The following NUCB2 variants were observed in gnomAD, a reference collection of about 807,000 sequenced individuals.
NUCB2 encodes the protein nucleobindin-2.
Under a neutral mutation model 57.9 loss-of-function variants are expected in NUCB2, and 48 were observed. The ratio of observed to expected loss-of-function variants is 0.83; its 90% confidence interval spans 0.66 to 1.05. The LOEUF (loss-of-function observed/expected upper bound fraction) is 1.05. Ranked by LOEUF, NUCB2 falls within the 50% of genes least tolerant of loss-of-function variation. The pLI, the probability that NUCB2 is intolerant of heterozygous loss-of-function variation, is 0.00. For synonymous variants in NUCB2, 139 were observed against 152.1 expected (o/e 0.91, Z 0.64); for missense variants, 442 against 476.2 (o/e 0.93, Z 0.67).
intron 6 of NUCB2, 107 bp from the exon 7 acceptor site, chr11:17,310,718 C>T (rs1948359050): frequency 2.7e-6 from 2 of 753,734 alleles, no homozygotes; most frequent in Non-Finnish European, 4.2e-6. Context: ...ATGTTTTTGC[C>T]CTCCCGTACC....
chr11:17,296,525 G>A (rs1235119000), intron 4 of NUCB2, among the ~76,000 whole-genome samples: 1 of 152,206 alleles, frequency 6.6e-6, no homozygotes, highest in Non-Finnish European at 1.5e-5. Context: ...TATATGATGA[G>A]TATTTAATCT....
At chr11:17,341,482 T>C (rs1356789798) in intron 2 of NUCB2, among the ~76,000 whole-genome samples, 12 of 152,092 alleles carry the variant, frequency 7.9e-5, no homozygotes, top group Admixed American at 7.9e-4. Context: ...TATTTTGAAA[T>C]ATGTCCCATC....
At chr11:17,305,450 A>G (rs1037133879) in intron 5 of NUCB2, among the ~76,000 whole-genome samples, 4 of 152,206 alleles carry the variant, frequency 2.6e-5, no homozygotes, top group Non-Finnish European at 4.4e-5. Flanking sequence ...TGAATATTAA[A>G]TTATGTCACT....
chr11:17,338,988 A>AT (rs1178162080), intron 2 of NUCB2, among the ~76,000 whole-genome samples: 4 of 147,332 alleles, frequency 2.7e-5, no homozygotes, highest in South Asian at 2.1e-4. Flanking sequence ...ATTTTATTTT[A>AT]TTTATTTATT....
At chr11:17,326,864 T>C (rs1398478630) in intron 11 of NUCB2, among the ~76,000 whole-genome samples, 3 of 152,206 alleles carry the variant, frequency 2.0e-5, no homozygotes, top group Admixed American at 2.0e-4. Flanking sequence ...ATTGAAGAAC[T>C]ACCTTTCACA....
At chr11:17,278,310 G>C (rs1941800163) in intron 1 of NUCB2, 1 of 151,308 alleles carries the variant, frequency 6.6e-6, no homozygotes. Flanking sequence ...CGAGTAGCTG[G>C]GATTACAGGG....
At chr11:17,344,063 G>C (rs2139652612) in intron 2 of NUCB2, among the ~76,000 whole-genome samples, 1 of 152,232 alleles carries the variant, frequency 6.6e-6, no homozygotes, top group South Asian at 2.1e-4. Flanking sequence ...GAGAGTTCTT[G>C]TATCTCTGCA....
chr11:17,310,036 A>G (rs1215950961), intron 6 of NUCB2, among the ~76,000 whole-genome samples: 1 of 152,220 alleles, frequency 6.6e-6, no homozygotes, highest in Non-Finnish European at 1.5e-5. Context: ...AATATGGCAT[A>G]TGTACCATAT....
intron 2 of NUCB2, among the ~76,000 whole-genome samples, chr11:17,287,971 A>T (rs562834113): frequency 6.6e-6 from 1 of 152,280 alleles, no homozygotes; most frequent in East Asian, 1.9e-4. Context: ...GCACTCCAGC[A>T]CGGGCAGTAG....
intron 11 of NUCB2, among the ~76,000 whole-genome samples, chr11:17,327,682 T>C (rs1014382132): frequency 2.6e-5 from 4 of 152,168 alleles, no homozygotes; most frequent in African/African-American, 9.7e-5. Context: ...AATTCTTTCT[T>C]ATACTTGATC....
chr11:17,292,621 A>G (rs986688894), intron 2 of NUCB2, among the ~76,000 whole-genome samples: 8 of 152,052 alleles, frequency 5.3e-5, no homozygotes, highest in Admixed American at 2.0e-4. Context: ...TTTGAGAACC[A>G]CTCCTGAAAA....
At chr11:17,341,092 C>G (rs896529421) in intron 2 of NUCB2, among the ~76,000 whole-genome samples, 7 of 152,198 alleles carry the variant, frequency 4.6e-5, no homozygotes, top group East Asian at 1.9e-4. Flanking sequence ...TTGTGAATGG[C>G]AGTTCACTCA....
chr11:17,280,513 AC>A (rs1481825280), intron 1 of NUCB2, among the ~76,000 whole-genome samples: 1 of 152,128 alleles, frequency 6.6e-6, no homozygotes, highest in African/African-American at 2.4e-5. Context: ...ATTTTTCTTC[AC>A]CCTACCCTGT....
chr11:17,279,705 C>T (rs1722151224), intron 1 of NUCB2, among the ~76,000 whole-genome samples: 1 of 151,450 alleles, frequency 6.6e-6, no homozygotes, highest in South Asian at 2.1e-4. Flanking sequence ...TCTTAGAATT[C>T]TCTGATTCTA....
rs369594709 is a variant in NUCB2, at chr11:17,325,352, A to G, written c.1003-4775A>G. Among the ~76,000 whole-genome samples, 53 of 152,264 alleles carry G rather than the reference A, an allele frequency of 3.5e-4. 1 individual carries two copies. In the South Asian group the frequency reaches 0.011, roughly 31 times the overall value. ...TTAGCTCTAATAATATTTGCTTAAT[A>G]TATCTGGGTGCTCTAGTGTTGGGTG... is the stretch of plus-strand genomic sequence containing the variant. On this transcript the variant is annotated intron_variant, in intron 11 of 13. Transcript: ENST00000529010.
At chr11:17,344,476 T>C (rs141400667) in intron 2 of NUCB2, among the ~76,000 whole-genome samples, 85 of 152,308 alleles carry the variant, frequency 5.6e-4, no homozygotes, top group African/African-American at 1.7e-3. Flanking sequence ...CACTTTTGTA[T>C]TGACTTTCCC....
At chr11:17,348,415 G>A (rs1213475462) in intron 2 of NUCB2, among the ~76,000 whole-genome samples, 1 of 131,984 alleles carries the variant, frequency 7.6e-6, no homozygotes, top group Non-Finnish European at 1.5e-5. Context: ...GCTCACTGCA[G>A]CCATGACCTC....
chr11:17,343,064 G>A lies in NUCB2; in HGVS notation n.2626+5530G>A, dbSNP rs1445770062. 2.6e-5 allele frequency among the ~76,000 whole-genome samples: 4 copies of A among 151,916 alleles called. No individual in the cohort carries two copies. In the East Asian group the frequency reaches 5.8e-4, roughly 22 times the overall value. ...GTTGAATTGATCCCTTTATCATTAT[G>A]TAATGGCCTTCTTTGTCTCTTTTGA... On this transcript the variant is annotated intron_variant and non_coding_transcript_variant, in intron 2 of 2. Coordinates refer to the NUCB2 transcript ENST00000532240.
Position 17,301,727 on chromosome 11 carries a change from A to T in NUCB2, c.253-17A>T. 1 of 1,595,488 alleles carries T rather than the reference A, an allele frequency of 6.3e-7. No homozygotes were observed. Among genetic ancestry groups the T allele is most frequent in the Non-Finnish European group, 8.6e-7 (1 of 1,164,234 alleles). ...GGAATGTAATAGATAAAACTAACTT[A>T]CTAATTTTGTTAACAGAGTGGGAGG... On this transcript the variant is annotated splice_polypyrimidine_tract_variant and intron_variant, in intron 4 of 13. Coordinates refer to ENST00000529010, the MANE Select transcript of NUCB2 (RefSeq NM_005013.4).
Sources: gnomAD v4.1 joint callset for allele counts (sites outside exome capture counted in the v4.1 genomes callset) on GRCh38, gnomAD v4.1.1 for gene constraint, MANE v1.5 for transcripts, NCBI Gene and HGNC (gene_info 2026-07-23, HGNC 2026-07-21) for gene names.